Variants in PTPRN2 observed in about 807,000 individuals in gnomAD.
The protein encoded by PTPRN2 is protein tyrosine phosphatase receptor type N2, also known as receptor-type tyrosine-protein phosphatase N2.
A neutral mutation model predicts 118.8 loss-of-function variants in PTPRN2; 74 were observed. That is an observed-to-expected ratio of 0.62 (90% CI 0.52 to 0.76). The LOEUF (loss-of-function observed/expected upper bound fraction) is 0.76, where lower values mean the gene tolerates loss of function less well. Among genes scored for constraint, PTPRN2 ranks in the 30% least tolerant of loss-of-function variants. PTPRN2 has a pLI of 0.00. For missense variants in PTPRN2, 1,481 were observed against 1,394.4 expected, an observed-to-expected ratio of 1.06 and a Z score of -0.99; for synonymous variants, 641 against 608.0, an observed-to-expected ratio of 1.05 and a Z score of -0.80.
intron 11 of PTPRN2, among the ~76,000 whole-genome samples, chr7:158,033,311 G>C (rs960680650): frequency 6.6e-6 from 1 of 152,176 alleles, no homozygotes; most frequent in East Asian, 1.9e-4. Flanking sequence ...AGGAAGAAAC[G>C]AGTCGGTGAT....
chr7:157,946,286 T>TAA (rs112205197), intron 11 of PTPRN2, among the ~76,000 whole-genome samples: 1 of 142,012 alleles, frequency 7.0e-6, no homozygotes. Flanking sequence ...GAGAAGACAC[T>TAA]AAAAAAAAAA....
rs1342832192 is a variant in PTPRN2 at position 157,845,068 on chromosome 7, C to T, written c.1788+53605G>A. Among the ~76,000 whole-genome samples the T allele has an allele frequency of 6.6e-6, 1 of 152,072 alleles. No individual in the cohort carries two copies. The highest frequency in any genetic ancestry group is 1.9e-4 in the East Asian group (1 of 5,196). ...GGTTTGCCCTTGGTGTAGAGATAGA[C>T]AAAGGGAGAGGTGAGCACAAGGTCA... On this transcript the variant is annotated intron_variant, in intron 12 of 22. Transcript: ENST00000389418. This position sits in a 1 kb window ranked among gnomAD's most constrained non-coding sequence, Gnocchi z 4.5.
chr7:158,262,561 ACACACACATTCACACACAG>A (rs1797519611), intron 3 of PTPRN2, among the ~76,000 whole-genome samples: 3 of 126,984 alleles, frequency 2.4e-5, no homozygotes, highest in Admixed American at 1.6e-4. Context: ...TGCACACACT[ACACACACATTCACACACAG>A]CACACACATT....
chr7:158,587,560 A>C lies in PTPRN2; in HGVS notation c.110T>G (p.Leu37Arg). 7.6e-7 allele frequency: 1 copy of C among 1,309,288 alleles called. No homozygotes were observed. Among genetic ancestry groups the C allele is most frequent in the East Asian group, 3.2e-5 (1 of 31,388 alleles). 81.1% of individuals were successfully genotyped at this position (1,309,288 alleles called of 1,614,324 possible). A position where few individuals can be genotyped will look rare whatever the true frequency, so the allele number is the denominator to read the frequency against. ...CTCCCCCGGCGCCCCCCACTCACCC[A>C]GACGCCCCGGGAGCTGCCGGCCGCG... ...VPRGRQLPGR[L>R]GCLLEEGLCG... is the part of the protein sequence containing the mutation. The change falls in exon 1 of 23, where the codon CTG becomes CGG. Residue 37 changes from leucine (L) to arginine (R), a missense_variant and splice_region_variant. Leu to Arg is a moderately radical substitution (Grantham distance 102). Around this residue, in one of 3 missense-constraint regions of PTPRN2, gnomAD observed 1,115 missense variants for 994.2 expected, o/e 1.12. Coordinates refer to ENST00000389418, the MANE Select transcript of PTPRN2 (RefSeq NM_002847.5).
intron 12 of PTPRN2, among the ~76,000 whole-genome samples, chr7:157,816,774 G>A (rs1393920709): frequency 1.3e-5 from 2 of 152,192 alleles, no homozygotes; most frequent in East Asian, 1.9e-4. Flanking sequence ...CTGCCCTGGC[G>A]TTGAGTGCTT....
chr7:158,461,168 T>A (rs1818954013), intron 2 of PTPRN2, among the ~76,000 whole-genome samples: 1 of 152,196 alleles, frequency 6.6e-6, no homozygotes, highest in African/African-American at 2.4e-5. Context: ...TCCCAGTCTT[T>A]CATTTTTTTC....
chr7:158,280,668 G>A (rs1436212289), intron 3 of PTPRN2, among the ~76,000 whole-genome samples: 4 of 152,188 alleles, frequency 2.6e-5, no homozygotes, highest in Admixed American at 6.5e-5. Context: ...GCGTAGAGAC[G>A]CGGCCGTGGA....
intron 15 of PTPRN2, among the ~76,000 whole-genome samples, chr7:157,620,293 CCCT>C (rs1012319456): frequency 1.3e-5 from 2 of 152,164 alleles, no homozygotes; most frequent in African/African-American, 4.8e-5. Flanking sequence ...GCAGTCCTTG[CCCT>C]CCTCATCTTG....
chr7:158,070,274 CATGGTGGAGGTG>C (rs1563385967), intron 11 of PTPRN2, among the ~76,000 whole-genome samples: 20 of 142,122 alleles, frequency 1.4e-4, no homozygotes, highest in African/African-American at 6.1e-4. Context: ...TGGAGGTGCT[CATGGTGGAGGTG>C]CTCGTGGTGG....
chr7:158,541,673 TA>T (rs1825992014), intron 1 of PTPRN2: 1 of 1,326,092 alleles, frequency 7.5e-7, no homozygotes, highest in Non-Finnish European at 9.9e-7. Context: ...GAACGTTAGT[TA>T]ATCTGTTGAA....
At chr7:158,156,613 C>T (rs535715878) in intron 6 of PTPRN2, among the ~76,000 whole-genome samples, 100 of 152,302 alleles carry the variant, frequency 6.6e-4, no homozygotes, top group Admixed American at 3.1e-3. Context: ...TGCAGTCAGA[C>T]GCTCGGCATG....
At chr7:157,842,445 C>T (rs982761424) in intron 12 of PTPRN2, among the ~76,000 whole-genome samples, 2 of 134,702 alleles carry the variant, frequency 1.5e-5, no homozygotes, top group African/African-American at 2.8e-5. Flanking sequence ...GACGGTGTCT[C>T]GCTCTGTCAC....
At chr7:158,031,378 C>A (rs1226850455) in intron 11 of PTPRN2, among the ~76,000 whole-genome samples, 1 of 152,170 alleles carries the variant, frequency 6.6e-6, no homozygotes, top group African/African-American at 2.4e-5. Flanking sequence ...AAAGACAGGT[C>A]TCACCAGAGG....
At chr7:158,037,855 T>C (rs868702801) in intron 11 of PTPRN2, among the ~76,000 whole-genome samples, 5 of 152,210 alleles carry the variant, frequency 3.3e-5, no homozygotes, top group African/African-American at 1.2e-4. Flanking sequence ...GTCAGAAAGA[T>C]TTCACATTGT....
At chr7:157,804,986 T>G (rs1007215680) in intron 12 of PTPRN2, among the ~76,000 whole-genome samples, 1 of 152,168 alleles carries the variant, frequency 6.6e-6, no homozygotes, top group Non-Finnish European at 1.5e-5. Context: ...GCCCCTGAGC[T>G]CTCAGAGGGA....
rs925196662 is a variant in PTPRN2 at position 157,964,100 on chromosome 7, C to T, written c.1724-65363G>A. Among the ~76,000 whole-genome samples the T allele has an allele frequency of 6.6e-6, 1 of 152,118 alleles. No homozygotes were observed. The highest frequency in any genetic ancestry group is 1.5e-5 in the Non-Finnish European group (1 of 68,028). On this transcript the variant is annotated intron_variant, in intron 11 of 22. Coordinates refer to ENST00000389418, the MANE Select transcript of PTPRN2 (RefSeq NM_002847.5). The surrounding 1 kb of genome is among the most constrained non-coding windows in gnomAD (Gnocchi z 9.0). ...CATCTGTAAGAGGCTGTTGAGGGCA[C>T]GACCACCTCGCAGTGACCTCCCTCT...
chr7:157,747,939 G>A (rs1361466759), intron 12 of PTPRN2, among the ~76,000 whole-genome samples: 1 of 145,074 alleles, frequency 6.9e-6, no homozygotes, highest in Admixed American at 6.8e-5. Context: ...GCGATTGTGA[G>A]GCCTGTGTCC....
chr7:157,914,850 T>G (rs1563234808), intron 11 of PTPRN2, among the ~76,000 whole-genome samples: 2 of 152,196 alleles, frequency 1.3e-5, no homozygotes, highest in Non-Finnish European at 2.9e-5. Flanking sequence ...ATTTTCAATT[T>G]ATTTGTCTCT....
intron 9 of PTPRN2, among the ~76,000 whole-genome samples, chr7:158,130,537 G>A (rs111204874): frequency 0.015 from 2,118 of 142,270 alleles, 69 homozygotes; most frequent in African/African-American, 0.046. Context: ...CGTACATACA[G>A]ATACACACAT....
Sources: allele counts gnomAD v4.1 joint callset (sites outside exome capture counted in the v4.1 genomes callset), GRCh38; gene constraint gnomAD v4.1.1; regional missense constraint gnomAD v4.1.1; non-coding constraint Gnocchi (gnomAD v3.1); transcripts MANE v1.5; gene names NCBI Gene and HGNC (gene_info 2026-07-23, HGNC 2026-07-21).